Variants in EML5 observed in about 807,000 individuals in gnomAD.
The protein encoded by EML5 is echinoderm microtubule-associated protein-like 5.
A neutral mutation model predicts 250.0 loss-of-function variants in EML5; 120 were observed. The observed-to-expected ratio is 0.48, with a 90% CI of 0.41 to 0.56. EML5 has a LOEUF of 0.56. EML5 is among the 20% of genes least tolerant of loss of function. EML5 has a pLI of 0.00. For synonymous variants in EML5, 771 were observed against 806.5 expected, an observed-to-expected ratio of 0.96 and a Z score of 0.75; for missense variants, 2,006 against 2,437.6, an observed-to-expected ratio of 0.82 and a Z score of 3.73.
chr14:88,618,419 A>T, intron 40 of EML5, 88 bp from the exon 41 acceptor site: 1 of 1,210,876 alleles, frequency 8.3e-7, no homozygotes, highest in South Asian at 1.3e-5. Flanking sequence ...GCATATTGCT[A>T]CTTGATTTAC....
intron 5 of EML5, 51 bp from the exon 6 acceptor site, chr14:88,739,065 T>G: frequency 1.3e-6 from 2 of 1,519,632 alleles, no homozygotes; most frequent in Non-Finnish European, 1.8e-6. Flanking sequence ...TAAGAACATC[T>G]ACTATATGAA....
At chr14:88,646,654 A>G (rs1409530908) in intron 29 of EML5, among the ~76,000 whole-genome samples, 1 of 152,174 alleles carries the variant, frequency 6.6e-6, no homozygotes, top group Non-Finnish European at 1.5e-5. Flanking sequence ...GCATATTTTA[A>G]TTTTTATAAA....
At chr14:88,734,662 C>G (rs931250495) in intron 7 of EML5, among the ~76,000 whole-genome samples, 8 of 152,008 alleles carry the variant, frequency 5.3e-5, no homozygotes, top group African/African-American at 1.9e-4. Flanking sequence ...CATTACATAC[C>G]ATCAAGCAGG....
chr14:88,661,581 G>T, intron 25 of EML5, 73 bp downstream of exon 25: 1 of 1,308,666 alleles, frequency 7.6e-7, no homozygotes, highest in African/African-American at 1.5e-5. Flanking sequence ...TAACAATGAA[G>T]TGCTATGACA....
At chr14:88,622,532 AGG>A in intron 37 of EML5, 70 bp downstream of exon 37, 3 of 1,204,492 alleles carry the variant, frequency 2.5e-6, no homozygotes, top group Non-Finnish European at 3.4e-6. Flanking sequence ...TAGGCTGCAA[AGG>A]GTGAGGGAAT....
intron 1 of EML5, among the ~76,000 whole-genome samples, chr14:88,770,393 G>A (rs558549830): frequency 6.5e-4 from 99 of 152,064 alleles, no homozygotes; most frequent in Non-Finnish European, 9.1e-4. Flanking sequence ...TTTATATATG[G>A]TGAGGTATAT....
chr14:88,764,852 C>T (rs146136713), intron 1 of EML5, among the ~76,000 whole-genome samples: 1 of 151,920 alleles, frequency 6.6e-6, no homozygotes, highest in Non-Finnish European at 1.5e-5. Flanking sequence ...ATTTTGATTC[C>T]ATTATGGTCA....
chr14:88,744,447 TG>T (rs1435232040), intron 3 of EML5, among the ~76,000 whole-genome samples: 1 of 152,020 alleles, frequency 6.6e-6, no homozygotes, highest in Non-Finnish European at 1.5e-5. Flanking sequence ...AGATTCAGAA[TG>T]GAACGTGACA....
intron 1 of EML5, among the ~76,000 whole-genome samples, chr14:88,785,381 T>C (rs1206996514): frequency 1.3e-5 from 2 of 151,986 alleles, no homozygotes; most frequent in East Asian, 1.9e-4. Context: ...AGGGGAAGGA[T>C]ACCCAATTCT....
intron 10 of EML5, among the ~76,000 whole-genome samples, chr14:88,710,739 C>CAA (rs146000327): frequency 6.6e-6 from 1 of 151,964 alleles, no homozygotes; most frequent in African/African-American, 2.4e-5. Context: ...AAATTACTAA[C>CAA]AAAAAAGCTA....
chr14:88,772,375 C>T (rs1419395600), intron 1 of EML5, among the ~76,000 whole-genome samples: 3 of 152,218 alleles, frequency 2.0e-5, no homozygotes. Flanking sequence ...AATCTGATCT[C>T]ATCATTTACC....
chr14:88,640,175 A>T (rs1444166657), intron 31 of EML5, among the ~76,000 whole-genome samples: 1 of 152,228 alleles, frequency 6.6e-6, no homozygotes, highest in Admixed American at 6.5e-5. Context: ...TAACAAAGAA[A>T]TTCTGGACTT....
At chr14:88,639,751 T>G (rs1227139954) in intron 31 of EML5, among the ~76,000 whole-genome samples, 2 of 152,092 alleles carry the variant, frequency 1.3e-5, no homozygotes, top group Non-Finnish European at 2.9e-5. Context: ...TATATATTTT[T>G]TGTATTTTTA....
Position 88,754,588 on chromosome 14 carries a change from G to A in EML5, c.281C>T (p.Thr94Ile). The A allele has an allele frequency of 1.9e-6, 3 of 1,613,632 alleles. No homozygotes were observed. Among genetic ancestry groups the A allele is most frequent in the Non-Finnish European group, 2.5e-6 (3 of 1,179,728 alleles). ...CTTTAAAACTGATATGGTCTGCACA[G>A]TGTATGAATCCCAAATACAAATATA... Reference protein sequence around the residue: ...EPYICIWDSYTVQTISVLKDV... With the variant: ...EPYICIWDSYIVQTISVLKDV... The change falls in exon 2 of 44, where the codon ACT becomes ATT. Residue 94 changes from threonine to isoleucine, a missense_variant. Physicochemically the swap from Thr to Ile is moderately conservative, Grantham distance 89. This residue lies in a region of EML5 where 162 missense variants were observed against 212.2 expected (regional missense o/e 0.76). Transcript: ENST00000554922.
chr14:88,698,678 C>CTG (rs1461932519), intron 14 of EML5, among the ~76,000 whole-genome samples: 7 of 152,130 alleles, frequency 4.6e-5, no homozygotes, highest in Admixed American at 4.6e-4. Flanking sequence ...CATTTTTGCC[C>CTG]TGAGGTATCT....
In EML5 at chr14:88,615,115, T is replaced by G. The variant is rs1478486044; in HGVS notation, c.*703A>C. On this transcript the variant is annotated 3_prime_UTR_variant, in exon 44 of 44. Coordinates refer to ENST00000554922, the MANE Select transcript of EML5 (RefSeq NM_183387.3). ...TACAGTTATGTTTTAAATGTGCGAT[T>G]ACAGAGATGGCATCTGAACATAAAC... 6.6e-6 allele frequency: 1 copy of G among 152,210 alleles called. No individual in the cohort carries two copies. Among genetic ancestry groups the G allele is most frequent in the Non-Finnish European group, 1.5e-5 (1 of 68,034 alleles). The allele number at this position is 152,210 out of a possible 1,614,324, so 9.4% of individuals were successfully genotyped here. A position where few individuals can be genotyped will look rare whatever the true frequency, so the allele number is the denominator to read the frequency against.
At chr14:88,762,365 C>T (rs1023939257) in intron 1 of EML5, among the ~76,000 whole-genome samples, 1 of 152,020 alleles carries the variant, frequency 6.6e-6, no homozygotes, top group Non-Finnish European at 1.5e-5. Context: ...AAAAAATTAG[C>T]GGGTTGTGGT....
chr14:88,635,481 G>T (rs1404884613), intron 32 of EML5, among the ~76,000 whole-genome samples: 2 of 152,154 alleles, frequency 1.3e-5, no homozygotes, highest in Non-Finnish European at 2.9e-5. Context: ...TATTAACAGG[G>T]TCTGGGACAG....
At chr14:88,780,133 G>A (rs2094483067) in intron 1 of EML5, among the ~76,000 whole-genome samples, 1 of 151,938 alleles carries the variant, frequency 6.6e-6, no homozygotes, top group Non-Finnish European at 1.5e-5. Flanking sequence ...TGTATTTTTA[G>A]TACAGATGGG....
Sources: gnomAD v4.1 joint callset for allele counts (sites outside exome capture counted in the v4.1 genomes callset) on GRCh38, gnomAD v4.1.1 for gene constraint, gnomAD v4.1.1 regional missense constraint, MANE v1.5 for transcripts, NCBI Gene and HGNC (gene_info 2026-07-23, HGNC 2026-07-21) for gene names.